The following MCC variants were observed in gnomAD, a reference collection of about 807,000 sequenced individuals.
The protein encoded by MCC is MCC regulator of Wnt signaling pathway.
MCC carries 90 observed loss-of-function variants against 116.2 expected under a neutral mutation model. That is an observed-to-expected ratio of 0.77 (90% CI 0.65 to 0.92). MCC has a LOEUF of 0.92. MCC is among the 40% of genes least tolerant of loss of function. The pLI is 0.00. For missense variants in MCC, 1,516 were observed against 1,312.2 expected, an observed-to-expected ratio of 1.16 and a Z score of -2.40; for synonymous variants, 578 against 510.5, an observed-to-expected ratio of 1.13 and a Z score of -1.78.
chr5:113,361,483 A>G (rs1213573874), intron 2 of MCC, among the ~76,000 whole-genome samples: 2 of 152,162 alleles, frequency 1.3e-5, no homozygotes, highest in Non-Finnish European at 2.9e-5. Context: ...TTCAATTGAT[A>G]TTTACATAAT....
intron 4 of MCC, among the ~76,000 whole-genome samples, chr5:113,146,320 T>G (rs1759518932): frequency 1.8e-3 from 1 of 548 alleles, no homozygotes; most frequent in Admixed American, 0.036. Context: ...TGATTCCTGT[T>G]TTTGCCATCA....
chr5:113,073,327 T>C (rs906057785), intron 11 of MCC, among the ~76,000 whole-genome samples: 3 of 152,238 alleles, frequency 2.0e-5, no homozygotes, highest in Non-Finnish European at 2.9e-5. Flanking sequence ...CTGCCAGAGC[T>C]GCCCTGGCAT....
intron 8 of MCC, among the ~76,000 whole-genome samples, chr5:113,088,864 G>T (rs1314969059): frequency 6.6e-6 from 1 of 152,078 alleles, no homozygotes; most frequent in Admixed American, 6.6e-5. Context: ...GCCCAAGCTG[G>T]CCTCAATCTC....
At chr5:113,471,783 C>T (rs1772099039) in intron 1 of MCC, among the ~76,000 whole-genome samples, 1 of 86,562 alleles carries the variant, frequency 1.2e-5, no homozygotes, top group African/African-American at 4.0e-5. Flanking sequence ...GGCAGGCCTC[C>T]TTGAGCTGTG....
chr5:113,230,938 G>A (rs1470676537), intron 3 of MCC, among the ~76,000 whole-genome samples: 2 of 152,004 alleles, frequency 1.3e-5, no homozygotes, highest in Non-Finnish European at 2.9e-5. Flanking sequence ...TACCTTAAAG[G>A]AATTTTCTGA....
At chr5:113,115,102 CCT>C (rs762660252) in intron 6 of MCC, among the ~76,000 whole-genome samples, 11 of 152,222 alleles carry the variant, frequency 7.2e-5, no homozygotes, top group Admixed American at 3.3e-4. Context: ...GATCCTCCCC[CCT>C]GAGACGCTAC....
At chr5:113,459,159 GTGTGTGTGTGT>G (rs1771669717) in intron 1 of MCC, among the ~76,000 whole-genome samples, 3 of 140,508 alleles carry the variant, frequency 2.1e-5, no homozygotes, top group Admixed American at 7.1e-5. Flanking sequence ...GTGTGTGTGT[GTGTGTGTGTGT>G]GTGTGTGTGA....
chr5:113,343,519 C>T lies in MCC; in HGVS notation c.416-2789G>A, dbSNP rs542929105. 2.6e-5 allele frequency among the ~76,000 whole-genome samples: 4 copies of T among 152,334 alleles called. No individual in the cohort carries two copies. The South Asian group carries it at 8.3e-4, about 32-fold the overall frequency. Reference sequence around the variant, plus strand: ...GCTCCAGCAACATGTGGCAAGAAGACTAACAGAGGTCAGCGTTGAAAAGTG... The same window carrying T: ...GCTCCAGCAACATGTGGCAAGAAGATTAACAGAGGTCAGCGTTGAAAAGTG... On this transcript the variant is annotated intron_variant, in intron 2 of 18. Transcript: ENST00000408903.
At chr5:113,157,657 C>T (rs1760247446) in intron 3 of MCC, among the ~76,000 whole-genome samples, 1 of 152,186 alleles carries the variant, frequency 6.6e-6, no homozygotes, top group Non-Finnish European at 1.5e-5. Context: ...TAGTTTAACA[C>T]TCACTGCCAG....
At chr5:113,188,975 T>C (rs1404584045) in intron 3 of MCC, among the ~76,000 whole-genome samples, 2 of 152,240 alleles carry the variant, frequency 1.3e-5, no homozygotes, top group African/African-American at 2.4e-5. Flanking sequence ...AGGGGAACCC[T>C]TGTTACTCTG....
intron 1 of MCC, among the ~76,000 whole-genome samples, chr5:113,416,837 A>G (rs1170227256): frequency 9.9e-5 from 15 of 152,194 alleles, no homozygotes; most frequent in Non-Finnish European, 2.2e-4. Context: ...TTGACAATTA[A>G]AATAAATCGT....
At chr5:113,180,815 A>G (rs1744607288) in intron 3 of MCC, among the ~76,000 whole-genome samples, 1 of 152,158 alleles carries the variant, frequency 6.6e-6, no homozygotes, top group African/African-American at 2.4e-5. Context: ...TATTTTTCTG[A>G]CTTTCTACAT....
chr5:113,248,608 T>C (rs1764661478), intron 3 of MCC, among the ~76,000 whole-genome samples: 1 of 152,140 alleles, frequency 6.6e-6, no homozygotes, highest in Non-Finnish European at 1.5e-5. Flanking sequence ...TTCCCTAGTG[T>C]TGAAACCCCG....
intron 3 of MCC, among the ~76,000 whole-genome samples, chr5:113,334,590 A>AT (rs58288026): frequency 0.066 from 8,009 of 120,756 alleles, 484 homozygotes; most frequent in Middle Eastern, 0.088. Flanking sequence ...CTGATTTCTG[A>AT]TTTTTTTTTT....
In MCC at chr5:113,219,624, A is replaced by G. The variant is rs1177628723; in HGVS notation, c.628-68202T>C. ...TAGGTCCCAGTTGGAGGACCGTATAATGAATTCCCTTATACCGATTTTCTC... is the reference window on the plus strand; with the variant it reads ...TAGGTCCCAGTTGGAGGACCGTATAGTGAATTCCCTTATACCGATTTTCTC... On this transcript the variant is annotated intron_variant, in intron 3 of 18. Transcript: ENST00000408903. 2.6e-5 allele frequency among the ~76,000 whole-genome samples: 4 copies of G among 152,210 alleles called. No homozygotes were observed. In the East Asian group the frequency reaches 7.7e-4, roughly 29 times the overall value.
chr5:113,096,714 T>C (rs1044761363), intron 8 of MCC, among the ~76,000 whole-genome samples: 9 of 152,224 alleles, frequency 5.9e-5, no homozygotes, highest in African/African-American at 1.7e-4. Context: ...AGTTTCTGAG[T>C]GAATGTATGG....
intron 3 of MCC, among the ~76,000 whole-genome samples, chr5:113,178,130 A>T (rs538867263): frequency 2.0e-5 from 3 of 152,312 alleles, no homozygotes; most frequent in African/African-American, 7.2e-5. Flanking sequence ...GCGGAAGGGA[A>T]GAGAAGCTGC....
chr5:113,403,207 C>T (rs1168178442), intron 1 of MCC, among the ~76,000 whole-genome samples: 5 of 152,052 alleles, frequency 3.3e-5, no homozygotes, highest in African/African-American at 9.7e-5. Context: ...TGGCACAGAA[C>T]AGCAACAATG....
At chr5:113,313,099 C>A (rs373136465) in intron 3 of MCC, among the ~76,000 whole-genome samples, 1 of 152,144 alleles carries the variant, frequency 6.6e-6, no homozygotes, top group East Asian at 1.9e-4. Context: ...GTAATCCCAG[C>A]ACTTTGGGAG....
Sources: gnomAD v4.1 joint callset for allele counts (sites outside exome capture counted in the v4.1 genomes callset) on GRCh38, gnomAD v4.1.1 for gene constraint, MANE v1.5 for transcripts, NCBI Gene and HGNC (gene_info 2026-07-23, HGNC 2026-07-21) for gene names.